BTN2A2: variants seen among roughly 807,000 people sequenced by gnomAD.
BTN2A2 encodes butyrophilin subfamily 2 member A2, also known as butyrophilin 2.
BTN2A2 carries 29 observed loss-of-function variants against 34.7 expected under a neutral mutation model. That is an observed-to-expected ratio of 0.84 (90% CI 0.62 to 1.14). The LOEUF is 1.14. BTN2A2 is among the 50% of genes most tolerant of loss of function. The pLI is 0.00. For missense variants in BTN2A2, 612 were observed against 651.5 expected (o/e 0.94, Z 0.66); for synonymous variants, 240 against 253.1 (o/e 0.95, Z 0.49).
rs192560206 is a variant in BTN2A2 at position 26,387,984 on chromosome 6, T to G, written c.443-29T>G. 2.5e-4 allele frequency: 399 copies of G among 1,591,406 alleles called. 2 individuals are homozygous for G. The highest frequency in any genetic ancestry group is 2.9e-4 in the Non-Finnish European group (337 of 1,166,564). On this transcript the variant is annotated intron_variant, in intron 3 of 7. Transcript: ENST00000356709. Reference sequence around the variant, plus strand: ...AGTAGGGGCTAAGATACCACTGCCTTTTGGCTGAGCCCTGGTCTCCCTTTC... The same window carrying G: ...AGTAGGGGCTAAGATACCACTGCCTGTTGGCTGAGCCCTGGTCTCCCTTTC...
intron 4 of BTN2A2, 62 bp from the exon 5 acceptor site, chr6:26,389,943 G>A (rs1266097720): frequency 2.6e-6 from 4 of 1,530,546 alleles, no homozygotes; most frequent in African/African-American, 1.4e-5. Context: ...TGTGCTCTTA[G>A]GGGCACTCTC....
chr6:26,393,160 A>G lies in BTN2A2; in HGVS notation c.*193A>G, dbSNP rs1159688124. 6.3e-7 allele frequency: 1 copy of G among 1,586,100 alleles called. No homozygotes were observed. The highest frequency in any genetic ancestry group is 8.6e-7 in the Non-Finnish European group (1 of 1,167,868). ...CTCCTCACTAGTCTGTGGCTTTAGT[A>G]GTTCCTTTGCTTGTAATTATGGGAT... On this transcript the variant is annotated 3_prime_UTR_variant, in exon 8 of 8. Transcript: ENST00000356709.
At chr6:26,385,403 G>A (rs1487164710) in intron 3 of BTN2A2, 41 bp downstream of exon 3, 5 of 1,558,174 alleles carry the variant, frequency 3.2e-6, no homozygotes, top group African/African-American at 2.7e-5. Flanking sequence ...TGCACAGTGT[G>A]ACTTTTGGGG....
chr6:26,390,068 C>A lies in BTN2A2; in HGVS notation c.788C>A (p.Pro263His), dbSNP rs1761472588. Residue 263 changes from proline to histidine, a missense_variant, in exon 5 of 8, where the codon CCC becomes CAC. Pro to His is a moderately conservative substitution (Grantham distance 77). Transcript: ENST00000356709. ...VALAVILTAS[P>H]WMVSMTVILA... ...CTAGCTGTCATCCTGACCGCATCTC[C>A]CTGGATGGTGTCCATGACTGTCATC... The A allele has an allele frequency of 1.9e-6, 3 of 1,614,186 alleles. No individual in the cohort carries two copies. The East Asian group carries it at 6.7e-5, about 36-fold the overall frequency.
intron 7 of BTN2A2, chr6:26,391,605 C>CAAGG: frequency 6.5e-6 from 1 of 153,384 alleles, no homozygotes; most frequent in Non-Finnish European, 1.5e-5. Flanking sequence ...CATTTTAATG[C>CAAGG]AATAGAAAGG....
At chr6:26,391,275 G>A in intron 7 of BTN2A2, 1 of 203,402 alleles carries the variant, frequency 4.9e-6, no homozygotes, top group Non-Finnish European at 1.0e-5. Context: ...TGATGCAATG[G>A]TGTACAAATA....
rs1761092617 is a variant in BTN2A2, at chr6:26,385,004, T to G, written c.95-11T>G. On this transcript the variant is annotated splice_polypyrimidine_tract_variant and intron_variant, in intron 2 of 7. Transcript: ENST00000356709. ...CTGGCATCCTTGTCTGATTCTGCCC[T>G]TGTTGAACAGCCCAGTTTACTGTCG... The G allele has an allele frequency of 6.2e-7, 1 of 1,609,828 alleles. No homozygotes were observed. The highest frequency in any genetic ancestry group is 8.5e-7 in the Non-Finnish European group (1 of 1,176,350).
intron 4 of BTN2A2, among the ~76,000 whole-genome samples, chr6:26,388,839 C>T (rs550332898): frequency 5.3e-5 from 8 of 152,270 alleles, no homozygotes; most frequent in South Asian, 4.1e-4. Context: ...AGAGAGACAG[C>T]GGCCGGGCAC....
chr6:26,393,779 T>C lies in BTN2A2; in HGVS notation c.*812T>C. 6.1e-6 allele frequency: 6 copies of C among 985,318 alleles called. No individual in the cohort carries two copies. Among genetic ancestry groups the C allele is most frequent in the Non-Finnish European group, 7.2e-6 (6 of 829,620 alleles). 61.0% of individuals were successfully genotyped at this position (985,318 alleles called of 1,614,324 possible). ...GGCTTCAAACTTCCTGATCTAATTA[T>C]GTTTTTAGACACTTAGAAGTTATTG... is the stretch of plus-strand genomic sequence containing the variant. On this transcript the variant is annotated 3_prime_UTR_variant, in exon 8 of 8. Coordinates refer to ENST00000356709, the MANE Select transcript of BTN2A2 (RefSeq NM_006995.5).
Position 26,384,247 on chromosome 6 carries a change from T to C in BTN2A2, c.94+332T>C, listed in dbSNP as rs1354917802. Among the ~76,000 whole-genome samples, 2 of 152,200 alleles carry C rather than the reference T, an allele frequency of 1.3e-5. No homozygotes were observed. The highest frequency in any genetic ancestry group is 2.4e-5 in the African/African-American group (1 of 41,442). On this transcript the variant is annotated intron_variant, in intron 2 of 7. Coordinates refer to ENST00000356709, the MANE Select transcript of BTN2A2 (RefSeq NM_006995.5). This position sits in a 1 kb window ranked among gnomAD's most constrained non-coding sequence, Gnocchi z 4.0. ...TCACTGTAACCTGAAACTCCTGGGCTCAAGGGATCCTCCCATCTCAGCCTC... is the reference window on the plus strand; with the variant it reads ...TCACTGTAACCTGAAACTCCTGGGCCCAAGGGATCCTCCCATCTCAGCCTC...
rs1761776009 is a variant in BTN2A2 at position 26,394,647 on chromosome 6, G to A, written c.*1680G>A. On this transcript the variant is annotated 3_prime_UTR_variant, in exon 8 of 8. Coordinates refer to ENST00000356709, the MANE Select transcript of BTN2A2 (RefSeq NM_006995.5). ...GTTCTGAGGCTTTCAGACTTAAACT[G>A]AGCCATGCTACCAGCATCCCAGGGT... The A allele has an allele frequency of 3.2e-6, 1 of 311,386 alleles. No individual in the cohort carries two copies. The highest frequency in any genetic ancestry group is 2.1e-5 in the African/African-American group (1 of 46,806). 19.3% of individuals were successfully genotyped at this position (311,386 alleles called of 1,614,324 possible). A position where few individuals can be genotyped will look rare whatever the true frequency, so the allele number is the denominator to read the frequency against.
At chr6:26,386,636 T>C (rs1417224105) in intron 3 of BTN2A2, among the ~76,000 whole-genome samples, 2 of 152,206 alleles carry the variant, frequency 1.3e-5, no homozygotes, top group East Asian at 3.8e-4. Flanking sequence ...CCCACTACTC[T>C]TTCTCTGTAA....
chr6:26,390,948 G>A, intron 7 of BTN2A2, 119 bp downstream of exon 7: 2 of 1,497,972 alleles, frequency 1.3e-6, no homozygotes, highest in Non-Finnish European at 1.9e-6. Flanking sequence ...GGGAACTGGG[G>A]TCAGTTCATC....
chr6:26,393,086 TC>T lies in BTN2A2; in HGVS notation c.*121del, dbSNP rs1761708782. On this transcript the variant is annotated 3_prime_UTR_variant, in exon 8 of 8. Transcript: ENST00000356709. ...CCTCTGGTCACGTAAGAGAACATCT[TC>T]CAGCTGCCTTTTTCACACCCACTCC... is the stretch of plus-strand genomic sequence containing the variant. 1 of 1,610,732 alleles carries T rather than the reference TC, an allele frequency of 6.2e-7. No homozygotes were observed. Among genetic ancestry groups the T allele is most frequent in the Non-Finnish European group, 8.5e-7 (1 of 1,178,334 alleles).
At position 26,394,308 on chromosome 6, in the gene BTN2A2, G is replaced by A; in HGVS notation, c.*1341G>A. 1.4e-6 allele frequency: 1 copy of A among 700,724 alleles called. No homozygotes were observed. The highest frequency in any genetic ancestry group is 2.6e-6 in the Non-Finnish European group (1 of 384,772). The allele number at this position is 700,724 out of a possible 1,614,324, so 43.4% of individuals were successfully genotyped here. ...GCTGGTTAATTTTAGATGTCAACCTGACTGGATTAAGGAATACCTAGACAG... is the reference window on the plus strand; with the variant it reads ...GCTGGTTAATTTTAGATGTCAACCTAACTGGATTAAGGAATACCTAGACAG... On this transcript the variant is annotated 3_prime_UTR_variant, in exon 8 of 8. Coordinates refer to ENST00000356709, the MANE Select transcript of BTN2A2 (RefSeq NM_006995.5).
intron 4 of BTN2A2, 37 bp downstream of exon 4, chr6:26,388,331 G>T (rs748535713): frequency 2.3e-5 from 37 of 1,604,636 alleles, no homozygotes; most frequent in Non-Finnish European, 3.1e-5. Context: ...TCAAGTGTAT[G>T]CAGGATCCTC....
chr6:26,391,923 T>C (rs1761601923), intron 7 of BTN2A2: 2 of 415,938 alleles, frequency 4.8e-6, no homozygotes, highest in Non-Finnish European at 4.4e-6. Flanking sequence ...CCTAGGACAG[T>C]GTGTAATGAT....
chr6:26,387,974 A>G, intron 3 of BTN2A2, 39 bp from the exon 4 acceptor site: 3 of 1,579,864 alleles, frequency 1.9e-6, no homozygotes, highest in Non-Finnish European at 8.6e-7. Context: ...GGGCTAAGAT[A>G]CCACTGCCTT....
chr6:26,390,962 G>T lies in BTN2A2; in HGVS notation c.979+133G>T. The T allele has an allele frequency of 1.5e-6, 2 of 1,374,142 alleles. 1 individual carries two copies. The highest frequency in any genetic ancestry group is 2.1e-6 in the Non-Finnish European group (2 of 967,788). 85.1% of individuals were successfully genotyped at this position (1,374,142 alleles called of 1,614,324 possible). A position where few individuals can be genotyped will look rare whatever the true frequency, so the allele number is the denominator to read the frequency against. On this transcript the variant is annotated intron_variant, in intron 7 of 7. Transcript: ENST00000356709. ...AGGGAACTGGGGTCAGTTCATCAACGGTGTCCCAGCAATGATGCATCATGG... is the reference window on the plus strand; with the variant it reads ...AGGGAACTGGGGTCAGTTCATCAACTGTGTCCCAGCAATGATGCATCATGG...
Sources: allele counts gnomAD v4.1 joint callset (sites outside exome capture counted in the v4.1 genomes callset), GRCh38; gene constraint gnomAD v4.1.1; non-coding constraint Gnocchi (gnomAD v3.1); transcripts MANE v1.5; gene names NCBI Gene and HGNC (gene_info 2026-07-23, HGNC 2026-07-21).